The following GRM7 variants were observed in gnomAD, a reference collection of about 807,000 sequenced individuals.
GRM7 encodes glutamate metabotropic receptor 7.
A neutral mutation model predicts 84.5 loss-of-function variants in GRM7; 35 were observed. The observed-to-expected ratio is 0.41, with a 90% confidence interval of 0.32 to 0.55. The LOEUF is 0.55. GRM7 is among the 20% of genes least tolerant of loss of function. GRM7 has a pLI of 0.19. For synonymous variants in GRM7, 487 were observed against 455.1 expected, an observed-to-expected ratio of 1.07 and a Z score of -0.89; for missense variants, 1,003 against 1,194.6, an observed-to-expected ratio of 0.84 and a Z score of 2.36.
intron 7 of GRM7, among the ~76,000 whole-genome samples, chr3:7,480,785 A>T (rs1699098513): frequency 6.6e-6 from 1 of 152,180 alleles, no homozygotes; most frequent in African/African-American, 2.4e-5. Flanking sequence ...AGTGGAAGTT[A>T]CCAGAGCCTA....
chr3:6,873,909 C>G (rs1456123882), intron 1 of GRM7, among the ~76,000 whole-genome samples: 2 of 152,214 alleles, frequency 1.3e-5, no homozygotes, highest in Non-Finnish European at 2.9e-5. Context: ...TGTTTCATCT[C>G]TTCTTCACCT....
intron 1 of GRM7, among the ~76,000 whole-genome samples, chr3:7,112,838 A>T (rs1285107400): frequency 6.6e-6 from 1 of 152,296 alleles, no homozygotes; most frequent in Non-Finnish European, 1.5e-5. Flanking sequence ...GGTATGACTG[A>T]TTCAGCAGGT....
At chr3:6,900,731 T>C (rs1696353681) in intron 1 of GRM7, among the ~76,000 whole-genome samples, 1 of 152,188 alleles carries the variant, frequency 6.6e-6, no homozygotes, top group African/African-American at 2.4e-5. Flanking sequence ...TTGAATGTCA[T>C]TTCAAAAAAT....
chr3:7,051,839 G>A (rs1184095472), intron 1 of GRM7, among the ~76,000 whole-genome samples: 1 of 151,766 alleles, frequency 6.6e-6, no homozygotes, highest in Non-Finnish European at 1.5e-5. Flanking sequence ...GGGAAGAGAA[G>A]CTGACCTGGT....
chr3:7,091,589 A>G (rs930209242), intron 1 of GRM7, among the ~76,000 whole-genome samples: 1 of 151,722 alleles, frequency 6.6e-6, no homozygotes, highest in Non-Finnish European at 1.5e-5. Context: ...CCATTATCTC[A>G]TTAAATCATT....
chr3:7,209,535 A>C (rs527938114), intron 2 of GRM7, among the ~76,000 whole-genome samples: 3 of 152,346 alleles, frequency 2.0e-5, no homozygotes, highest in African/African-American at 7.2e-5. Flanking sequence ...ATTTGATTGA[A>C]AGCTTTAAAA....
rs764525357 is a variant in GRM7, at chr3:7,103,810, CTT to C, written c.520-42640_520-42639del. Among the ~76,000 whole-genome samples the C allele has an allele frequency of 3.8e-3, 388 of 101,970 alleles. 10 individuals carry two copies. The highest frequency in any genetic ancestry group is 9.0e-3 in the Admixed American group (98 of 10,858). The allele number at this position is 101,970 out of a possible 152,430, so 66.9% of individuals were successfully genotyped here. ...TCTTTCTTTCTTTCTTTCTTTCTTT[CTT>C]TCTTTCTCTCTCTCTCTGTCTCTCT... On this transcript the variant is annotated intron_variant, in intron 1 of 9. Transcript: ENST00000357716.
chr3:7,655,316 C>A (rs1257160627), intron 8 of GRM7, among the ~76,000 whole-genome samples: 1 of 152,208 alleles, frequency 6.6e-6, no homozygotes, highest in Non-Finnish European at 1.5e-5. Flanking sequence ...ATCAAGCTAG[C>A]CATGTCTAAC....
intron 7 of GRM7, among the ~76,000 whole-genome samples, chr3:7,464,883 C>G (rs1019585270): frequency 1.3e-5 from 2 of 150,178 alleles, no homozygotes; most frequent in Non-Finnish European, 3.0e-5. Context: ...GTAATCCCAA[C>G]TACTTGGGAG....
At chr3:7,306,738 G>A (rs1273294873) in intron 4 of GRM7, 86 bp downstream of exon 4, 4 of 1,191,368 alleles carry the variant, frequency 3.4e-6, no homozygotes, top group Non-Finnish European at 4.7e-6. Context: ...TAGGGGTTTG[G>A]CATTTTTACC....
At chr3:7,076,298 A>T (rs1237768175) in intron 1 of GRM7, among the ~76,000 whole-genome samples, 1 of 152,154 alleles carries the variant, frequency 6.6e-6, no homozygotes, top group Non-Finnish European at 1.5e-5. Context: ...TCTCCACCTG[A>T]ATCTCATCTT....
chr3:7,415,742 C>A (rs1437180546), intron 5 of GRM7, among the ~76,000 whole-genome samples: 3 of 152,114 alleles, frequency 2.0e-5, no homozygotes, highest in Admixed American at 6.6e-5. Flanking sequence ...CTGAGTGACT[C>A]CTTTCTGCTA....
In GRM7 at chr3:7,160,823, A is replaced by G. The variant is rs1574975019; in HGVS notation, c.736+14155A>G. Among the ~76,000 whole-genome samples, 3 of 152,078 alleles carry G rather than the reference A, an allele frequency of 2.0e-5. No individual in the cohort carries two copies. The South Asian group carries it at 6.2e-4, about 32-fold the overall frequency. ...AGCACCCCATACTTCCTCTTTCAGAATAATCATTTCCCTTGTAATGCTCAG... is the reference window on the plus strand; with the variant it reads ...AGCACCCCATACTTCCTCTTTCAGAGTAATCATTTCCCTTGTAATGCTCAG... On this transcript the variant is annotated intron_variant, in intron 2 of 9. Transcript: ENST00000357716.
chr3:7,434,593 A>G (rs922620710), intron 5 of GRM7, among the ~76,000 whole-genome samples: 15 of 152,338 alleles, frequency 9.8e-5, no homozygotes, highest in Non-Finnish European at 1.3e-4. Flanking sequence ...ATCACAAAGT[A>G]TATTGATTCA....
intron 1 of GRM7, among the ~76,000 whole-genome samples, chr3:6,980,565 C>G (rs1694161252): frequency 6.6e-6 from 1 of 152,132 alleles, no homozygotes; most frequent in African/African-American, 2.4e-5. Context: ...TGAGAACTTC[C>G]ACTGTTTTCT....
chr3:7,146,401 C>G (rs750939384), intron 1 of GRM7, 51 bp from the exon 2 acceptor site: 2 of 1,312,090 alleles, frequency 1.5e-6, no homozygotes, highest in Non-Finnish European at 2.2e-6. Flanking sequence ...ATAAATGAGT[C>G]TCTTACATCC....
chr3:7,615,154 A>G (rs1697026178), intron 8 of GRM7, among the ~76,000 whole-genome samples: 1 of 152,114 alleles, frequency 6.6e-6, no homozygotes, highest in South Asian at 2.1e-4. Flanking sequence ...ATACATGAGT[A>G]TATATGTACA....
intron 1 of GRM7, among the ~76,000 whole-genome samples, chr3:6,924,992 A>C (rs767931035): frequency 2.8e-4 from 43 of 152,182 alleles, no homozygotes; most frequent in Admixed American, 7.2e-4. Context: ...TACGAAGTCT[A>C]TACCTGAGGC....
intron 8 of GRM7, among the ~76,000 whole-genome samples, chr3:7,596,830 T>C (rs1696068121): frequency 6.6e-6 from 1 of 152,208 alleles, no homozygotes; most frequent in South Asian, 2.1e-4. Flanking sequence ...GTAAAGCCCA[T>C]GCACAGCTGT....
Sources: gnomAD v4.1 joint callset for allele counts (sites outside exome capture counted in the v4.1 genomes callset) on GRCh38, gnomAD v4.1.1 for gene constraint, MANE v1.5 for transcripts, NCBI Gene and HGNC (gene_info 2026-07-23, HGNC 2026-07-21) for gene names.